SLC6A9: variants seen among roughly 807,000 people sequenced by gnomAD.
The protein encoded by SLC6A9 is solute carrier family 6 member 9, also known as sodium- and chloride-dependent glycine transporter 1.
A neutral mutation model predicts 70.9 loss-of-function variants in SLC6A9; 31 were observed. The observed-to-expected ratio is 0.44, with a 90% CI of 0.33 to 0.59. SLC6A9 has a LOEUF of 0.59. Ranked by LOEUF, SLC6A9 falls within the 20% of genes least tolerant of loss-of-function variation. SLC6A9 has a pLI of 0.04. For synonymous variants in SLC6A9, 310 were observed against 341.3 expected (o/e 0.91, Z 1.01); for missense variants, 631 against 845.2 (o/e 0.75, Z 3.14).
At position 44,002,570 on chromosome 1, in the gene SLC6A9, G is replaced by T. The variant is rs201595292; in HGVS notation, c.800C>A (p.Ala267Asp). 4 of 1,614,022 alleles carry T rather than the reference G, an allele frequency of 2.5e-6. No homozygotes were observed. Among genetic ancestry groups the T allele is most frequent in the Non-Finnish European group, 3.4e-6 (4 of 1,179,964 alleles). Residue 267 changes from alanine (A) to aspartate (D), a missense_variant, in exon 7 of 14, where the codon GCC (alanine) becomes GAC (aspartate). Transcript: ENST00000372310. This position sits in a 1 kb window ranked among gnomAD's most constrained non-coding sequence, Gnocchi z 5.5. Reference sequence around the variant, plus strand: ...TAGGTAGTACATGATGCCGTCAAAGGCTCCCTCCAGGGTCACTCCGCGGAC... The same window carrying T: ...TAGGTAGTACATGATGCCGTCAAAGTCTCCCTCCAGGGTCACTCCGCGGAC... ...LFVRGVTLEG[A>D]FDGIMYYLTP... is the part of the protein sequence containing the mutation.
chr1:44,021,046 C>T (rs567089175), intron 2 of SLC6A9, among the ~76,000 whole-genome samples: 1 of 152,302 alleles, frequency 6.6e-6, no homozygotes, highest in South Asian at 2.1e-4. Context: ...ACTGAGGTGG[C>T]CAGCCTGGGA....
chr1:44,001,110 T>G, intron 10 of SLC6A9, 54 bp downstream of exon 10: 1 of 1,612,646 alleles, frequency 6.2e-7, no homozygotes, highest in Non-Finnish European at 8.5e-7. Context: ...TCCCCAACCC[T>G]TCCCTGCACG....
chr1:44,017,314 G>C (rs890747562), intron 2 of SLC6A9: 1 of 1,424,550 alleles, frequency 7.0e-7, no homozygotes, highest in African/African-American at 1.5e-5. Context: ...GAGCTGGAGT[G>C]GGGTGTGTGG....
At chr1:44,011,568 A>G in intron 2 of SLC6A9, 1 of 1,613,816 alleles carries the variant, frequency 6.2e-7, no homozygotes, top group Non-Finnish European at 8.5e-7. Flanking sequence ...GACCTGGGCC[A>G]TGGCTAGGGA....
intron 5 of SLC6A9, among the ~76,000 whole-genome samples, chr1:44,007,551 G>C (rs912803415): frequency 6.6e-6 from 1 of 152,206 alleles, no homozygotes; most frequent in Non-Finnish European, 1.5e-5. Context: ...GGCACCCCCG[G>C]CTCAGAGACC....
intron 12 of SLC6A9, among the ~76,000 whole-genome samples, chr1:43,998,230 G>A (rs114872070): frequency 2.0e-4 from 30 of 152,340 alleles, no homozygotes; most frequent in African/African-American, 6.7e-4. Flanking sequence ...AAGGCTCTGC[G>A]GAAGGGAGAA....
intron 2 of SLC6A9, among the ~76,000 whole-genome samples, chr1:44,020,314 T>A (rs1557693648): frequency 6.6e-6 from 1 of 152,168 alleles, no homozygotes. Flanking sequence ...AGTCCGATGC[T>A]GAGACAGCAC....
chr1:44,022,722 C>CTTTTTTTTTTTTTTTTTTTTTTTT (rs71307650), intron 2 of SLC6A9, among the ~76,000 whole-genome samples: 6 of 118,956 alleles, frequency 5.0e-5, no homozygotes, highest in Non-Finnish European at 8.3e-5. Flanking sequence ...TTCTTTCTTT[C>CTTTTTTTTTTTTTTTTTTTTTTTT]TTTTTTTTTT....
At position 44,010,688 on chromosome 1, in the gene SLC6A9, C is replaced by T. The variant is rs933616271; in HGVS notation, c.187+38G>A. On this transcript the variant is annotated intron_variant, in intron 3 of 13. Transcript: ENST00000372310. Reference sequence around the variant, plus strand: ...CCCAGGCCCTGGTGGGTGGGCTCTACCCAAGTGGGTGGTCCCTGCCCTGTG... The same window carrying T: ...CCCAGGCCCTGGTGGGTGGGCTCTATCCAAGTGGGTGGTCCCTGCCCTGTG... 6 of 1,604,948 alleles carry T rather than the reference C, an allele frequency of 3.7e-6. No individual in the cohort carries two copies. The African/African-American group carries it at 5.3e-5, about 14-fold the overall frequency.
intron 8 of SLC6A9, among the ~76,000 whole-genome samples, 162 bp from the exon 9 acceptor site, chr1:44,001,789 G>A (rs1557670138): frequency 6.6e-6 from 1 of 152,104 alleles, no homozygotes; most frequent in South Asian, 2.1e-4. Context: ...GTGCAATGGC[G>A]CTATCACAGC....
At position 43,998,981 on chromosome 1, in the gene SLC6A9, A is replaced by AAG. The variant is rs1376177907; in HGVS notation, c.1537-958_1537-957dup. ...GGCCACCCAGAGGGCCTGGCGGGGG[A>AAG]AGGGGGGGGGCAGTCCCAGCACCCT... On this transcript the variant is annotated intron_variant, in intron 12 of 13. Transcript: ENST00000372310. Among the ~76,000 whole-genome samples, 18 of 30,488 alleles carry AAG rather than the reference A, an allele frequency of 5.9e-4. 1 individual carries two copies. The highest frequency in any genetic ancestry group is 1.0e-3 in the Non-Finnish European group (13 of 12,492). 20.0% of individuals were successfully genotyped at this position (30,488 alleles called of 152,430 possible). A position where few individuals can be genotyped will look rare whatever the true frequency, so the allele number is the denominator to read the frequency against.
Position 43,996,646 on chromosome 1 carries a change from A to AT in SLC6A9, c.*898dup, listed in dbSNP as rs1411324699. 6.3e-6 allele frequency: 1 copy of AT among 157,738 alleles called. No homozygotes were observed. Among genetic ancestry groups the AT allele is most frequent in the African/African-American group, 2.4e-5 (1 of 41,526 alleles). 9.8% of individuals were successfully genotyped at this position (157,738 alleles called of 1,614,324 possible). A position where few individuals can be genotyped will look rare whatever the true frequency, so the allele number is the denominator to read the frequency against. On this transcript the variant is annotated 3_prime_UTR_variant, in exon 14 of 14. Transcript: ENST00000372310. ...GGACGGACAAATGAACACTTCAGGGATTCAGACACTTCAGAAGGGGCTCCC... is the reference window on the plus strand; with the variant it reads ...GGACGGACAAATGAACACTTCAGGGATTTCAGACACTTCAGAAGGGGCTCCC...
Position 44,002,242 on chromosome 1 carries a change from G to A in SLC6A9, c.962+71C>T. 9.2e-7 allele frequency: 1 copy of A among 1,081,372 alleles called. No homozygotes were observed. Among genetic ancestry groups the A allele is most frequent in the Non-Finnish European group, 1.4e-6 (1 of 695,710 alleles). The allele number at this position is 1,081,372 out of a possible 1,614,324, so 67.0% of individuals were successfully genotyped here. A position where few individuals can be genotyped will look rare whatever the true frequency, so the allele number is the denominator to read the frequency against. On this transcript the variant is annotated intron_variant, in intron 8 of 13. Transcript: ENST00000372310. The surrounding 1 kb of genome is among the most constrained non-coding windows in gnomAD (Gnocchi z 5.5). ...AAGGAGGCCTCGTGGGCCCATGGCT[G>A]CACTGGAGCTGAGATCAGGCTGCAG...
chr1:44,016,764 G>T (rs2086759016), intron 2 of SLC6A9, among the ~76,000 whole-genome samples: 1 of 152,136 alleles, frequency 6.6e-6, no homozygotes, highest in Non-Finnish European at 1.5e-5. Flanking sequence ...CTAGGACAAT[G>T]CAGCTTTGAT....
Position 44,002,319 on chromosome 1 carries a change from C to G in SLC6A9, c.956G>C (p.Cys319Ser). Residue 319 changes from cysteine (C) to serine (S), a missense_variant, in exon 8 of 14, where the codon TGT (cysteine) becomes TCT (serine). Cys to Ser is a moderately radical substitution (Grantham distance 112). Transcript: ENST00000372310. The surrounding 1 kb of genome is among the most constrained non-coding windows in gnomAD (Gnocchi z 5.5). ...MASYNKFHNN[C>S]YRDSVIISIT... Reference sequence around the variant, plus strand: ...CCCAGCAGGGAGCACTCACCGGTAACAGTTATTGTGGAACTTGTTGTAGGA... The same window carrying G: ...CCCAGCAGGGAGCACTCACCGGTAAGAGTTATTGTGGAACTTGTTGTAGGA... 1 of 1,611,712 alleles carries G rather than the reference C, an allele frequency of 6.2e-7. No individual in the cohort carries two copies.
At chr1:44,023,771 G>C (rs528684762) in intron 2 of SLC6A9, among the ~76,000 whole-genome samples, 163 of 152,310 alleles carry the variant, frequency 1.1e-3, no homozygotes, top group African/African-American at 3.8e-3. Flanking sequence ...GGGCAAAGAA[G>C]AGCCAGGACT....
chr1:44,026,962 G>A (rs1191169513), intron 1 of SLC6A9, among the ~76,000 whole-genome samples: 1 of 152,264 alleles, frequency 6.6e-6, no homozygotes, highest in Non-Finnish European at 1.5e-5. Context: ...TTCGTGGACT[G>A]GAGGGAAAAG....
In SLC6A9 at chr1:44,018,626, A is replaced by G. The variant is rs1386704216; in HGVS notation, c.30+5622T>C. 1.3e-5 allele frequency among the ~76,000 whole-genome samples: 2 copies of G among 148,620 alleles called. No individual in the cohort carries two copies. The highest frequency in any genetic ancestry group is 4.9e-5 in the African/African-American group (2 of 40,760). Reference sequence around the variant, plus strand: ...AATAATAATAATAATAATAATAATAATAATAATAATAAATAAAAATAAAAA... The same window carrying G: ...AATAATAATAATAATAATAATAATAGTAATAATAATAAATAAAAATAAAAA... On this transcript the variant is annotated intron_variant, in intron 2 of 13. Coordinates refer to ENST00000372310, the MANE Select transcript of SLC6A9 (RefSeq NM_001024845.3). This position sits in a 1 kb window ranked among gnomAD's most constrained non-coding sequence, Gnocchi z 4.2.
chr1:44,011,226 GTAA>G (rs2086555559), intron 2 of SLC6A9, among the ~76,000 whole-genome samples: 1 of 152,220 alleles, frequency 6.6e-6, no homozygotes. Flanking sequence ...GCCCCTCTGG[GTAA>G]GGATCTGGGA....
Sources: allele counts gnomAD v4.1 joint callset (sites outside exome capture counted in the v4.1 genomes callset), GRCh38; gene constraint gnomAD v4.1.1; non-coding constraint Gnocchi (gnomAD v3.1); transcripts MANE v1.5; gene names NCBI Gene and HGNC (gene_info 2026-07-23, HGNC 2026-07-21).